The following SCOC variants were observed in gnomAD, a reference collection of about 807,000 sequenced individuals.
SCOC encodes the protein short coiled coil protein.
A neutral mutation model predicts 9.9 loss-of-function variants in SCOC; 7 were observed. That is an observed-to-expected ratio of 0.71 (90% CI 0.40 to 1.33). The LOEUF is 1.33. Among genes scored for constraint, SCOC ranks in the 40% most tolerant of loss-of-function variants. SCOC has a pLI of 0.01. For synonymous variants in SCOC, 19 were observed against 28.2 expected (o/e 0.67, Z 1.03); for missense variants, 66 against 89.7 (o/e 0.74, Z 1.07).
At chr4:140,260,181 C>CCTCACAGAT (rs1466621991) in intron 1 of SCOC, among the ~76,000 whole-genome samples, 11 of 152,208 alleles carry the variant, frequency 7.2e-5, no homozygotes, top group Non-Finnish European at 1.6e-4. Context: ...GTGGTGAACT[C>CCTCACAGAT]CTCACAGATC....
chr4:140,295,818 C>G (rs939447148), intron 1 of SCOC, among the ~76,000 whole-genome samples: 1 of 151,362 alleles, frequency 6.6e-6, no homozygotes, highest in African/African-American at 2.4e-5. Context: ...GTAGTCCCAG[C>G]TGCTGGGGAG....
intron 1 of SCOC, among the ~76,000 whole-genome samples, chr4:140,280,378 C>T (rs538279719): frequency 1.3e-5 from 2 of 152,194 alleles, no homozygotes; most frequent in Non-Finnish European, 2.9e-5. Context: ...ATCCACCCAC[C>T]TTGGCCTCCC....
At chr4:140,312,281 T>G (rs1486828261) in intron 1 of SCOC, among the ~76,000 whole-genome samples, 2 of 152,172 alleles carry the variant, frequency 1.3e-5, no homozygotes, top group Non-Finnish European at 1.5e-5. Context: ...AGTAGATGAT[T>G]GATAAGACTT....
intron 1 of SCOC, among the ~76,000 whole-genome samples, chr4:140,277,649 G>A (rs1192812586): frequency 2.6e-5 from 4 of 152,132 alleles, no homozygotes; most frequent in Non-Finnish European, 4.4e-5. Context: ...GACAAAGAGA[G>A]TATTATTTTC....
At chr4:140,338,353 G>T (rs966643548) in intron 1 of SCOC, among the ~76,000 whole-genome samples, 4 of 152,164 alleles carry the variant, frequency 2.6e-5, no homozygotes, top group African/African-American at 9.7e-5. Flanking sequence ...TACTGAATGG[G>T]CAAAAACTGG....
chr4:140,289,572 T>A (rs951055661), intron 1 of SCOC, among the ~76,000 whole-genome samples: 1 of 152,140 alleles, frequency 6.6e-6, no homozygotes, highest in Admixed American at 6.5e-5. Flanking sequence ...GGCAAATTCG[T>A]TTTGAGATTG....
At chr4:140,358,542 T>C (rs771676350) in intron 2 of SCOC, among the ~76,000 whole-genome samples, 3 of 152,218 alleles carry the variant, frequency 2.0e-5, no homozygotes, top group East Asian at 1.9e-4. Flanking sequence ...AGTTAGCCTA[T>C]AGTGCCTGCC....
chr4:140,283,532 G>T (rs1442118440), intron 1 of SCOC, among the ~76,000 whole-genome samples: 1 of 152,074 alleles, frequency 6.6e-6, no homozygotes, highest in Non-Finnish European at 1.5e-5. Flanking sequence ...ATCATGCTAT[G>T]ATTTAAGGAA....
At chr4:140,325,686 A>G (rs1417909087) in intron 1 of SCOC, among the ~76,000 whole-genome samples, 1 of 152,176 alleles carries the variant, frequency 6.6e-6, no homozygotes, top group Admixed American at 6.5e-5. Flanking sequence ...ACGTGGCAGT[A>G]TGGTGAGATG....
At chr4:140,276,046 C>T (rs60356863) in intron 1 of SCOC, among the ~76,000 whole-genome samples, 2,335 of 151,842 alleles carry the variant, frequency 0.015, 54 homozygotes, top group African/African-American at 0.043. Context: ...CGATGTTGCC[C>T]AGGCTGTAGT....
chr4:140,356,297 C>G (rs1727226744), intron 2 of SCOC, among the ~76,000 whole-genome samples: 1 of 152,166 alleles, frequency 6.6e-6, no homozygotes, highest in Non-Finnish European at 1.5e-5. Flanking sequence ...CTCTATCACT[C>G]CTGGATACAT....
chr4:140,290,324 C>T (rs1731433644), intron 1 of SCOC, among the ~76,000 whole-genome samples: 2 of 151,674 alleles, frequency 1.3e-5, no homozygotes, highest in Admixed American at 6.6e-5. Flanking sequence ...CTTGGGCTTT[C>T]TCCTCTTTCT....
At chr4:140,264,901 T>C (rs549568565) in intron 1 of SCOC, among the ~76,000 whole-genome samples, 1 of 152,334 alleles carries the variant, frequency 6.6e-6, no homozygotes, top group East Asian at 1.9e-4. Context: ...ACCTCACTGA[T>C]GACAAAAACA....
At chr4:140,299,181 G>T (rs907515) in intron 1 of SCOC, among the ~76,000 whole-genome samples, 23,541 of 152,126 alleles carry the variant, frequency 0.15, 2,463 homozygotes, top group East Asian at 0.35. Context: ...GGTTACGTGA[G>T]AAATTTTAAT....
At chr4:140,271,481 G>T (rs531558053) in intron 1 of SCOC, among the ~76,000 whole-genome samples, 1 of 152,196 alleles carries the variant, frequency 6.6e-6, no homozygotes, top group Non-Finnish European at 1.5e-5. Context: ...ATGTGCAAAA[G>T]GTTTGGCACT....
In SCOC at chr4:140,287,261, C is replaced by T. The variant is rs572207836; in HGVS notation, c.-19+29851C>T. Among the ~76,000 whole-genome samples the T allele has an allele frequency of 4.3e-4, 65 of 151,706 alleles. 1 individual carries two copies. Among genetic ancestry groups the T allele is most frequent in the African/African-American group, 7.0e-4 (29 of 41,154 alleles). On this transcript the variant is annotated intron_variant, in intron 1 of 4. Coordinates refer to the SCOC transcript ENST00000394205. ...ACACCATGTACACACATGCTAAATG[C>T]GCAAATCATGTGCACATGCCACACA...
At chr4:140,316,763 A>G (rs1732332385) in intron 1 of SCOC, among the ~76,000 whole-genome samples, 1 of 152,204 alleles carries the variant, frequency 6.6e-6, no homozygotes, top group African/African-American at 2.4e-5. Context: ...TTCAGTTACT[A>G]AAATATAAAA....
chr4:140,267,591 C>A (rs908674378), intron 1 of SCOC, among the ~76,000 whole-genome samples: 5 of 152,008 alleles, frequency 3.3e-5, no homozygotes, highest in African/African-American at 1.2e-4. Flanking sequence ...GAGGGAGAAA[C>A]GAGGCCTTCT....
chr4:140,347,110 C>T (rs558595398), intron 2 of SCOC, among the ~76,000 whole-genome samples: 31 of 152,124 alleles, frequency 2.0e-4, no homozygotes, highest in Non-Finnish European at 4.1e-4. Context: ...TAAATAAGTG[C>T]GTTCCTTTAA....
Sources: gnomAD v4.1 joint callset for allele counts (sites outside exome capture counted in the v4.1 genomes callset) on GRCh38, gnomAD v4.1.1 for gene constraint, MANE v1.5 for transcripts, NCBI Gene and HGNC (gene_info 2026-07-23, HGNC 2026-07-21) for gene names.